DMD: variants seen among roughly 807,000 people sequenced by gnomAD.
DMD encodes dystrophin.
DMD carries 63 observed loss-of-function variants against 330.1 expected under a neutral mutation model. The observed-to-expected ratio is 0.19, with a 90% CI of 0.16 to 0.24. DMD has a LOEUF of 0.24. DMD is among the 10% of genes least tolerant of loss of function. The pLI is 1.00. For missense variants in DMD, 3,344 were observed against 2,684.1 expected (o/e 1.25, Z -5.43); for synonymous variants, 1,223 against 959.8 (o/e 1.27, Z -5.07).
chrX:32,290,105 T>A (rs142723398), intron 42 of DMD, among the ~76,000 whole-genome samples: 420 of 112,032 alleles, frequency 3.7e-3, no homozygotes, highest in African/African-American at 0.013. Flanking sequence ...TTGCATTACT[T>A]GAGTATAACA....
chrX:33,029,994 C>T (rs1231006986), intron 1 of DMD, among the ~76,000 whole-genome samples: 1 of 111,463 alleles, frequency 9.0e-6, no homozygotes, highest in African/African-American at 3.3e-5. Context: ...AGTTCCAACT[C>T]CAGTTTCACA....
At chrX:31,190,750 G>A (rs2042263444) in intron 67 of DMD, among the ~76,000 whole-genome samples, 1 of 109,595 alleles carries the variant, frequency 9.1e-6, no homozygotes, top group Non-Finnish European at 1.9e-5. Context: ...GTAGCACCAA[G>A]GTTGAGAAAC....
intron 20 of DMD, among the ~76,000 whole-genome samples, chrX:32,486,462 T>C (rs2042478277): frequency 9.0e-6 from 1 of 111,306 alleles, no homozygotes; most frequent in Admixed American, 9.6e-5. Flanking sequence ...TGTATTTCTT[T>C]TGGACAATGA....
At chrX:31,559,770 T>G (rs2075092467) in intron 55 of DMD, among the ~76,000 whole-genome samples, 1 of 108,572 alleles carries the variant, frequency 9.2e-6, no homozygotes, top group Non-Finnish European at 1.9e-5. Context: ...TGTTTGAGGG[T>G]CAACTGTATA....
intron 50 of DMD, among the ~76,000 whole-genome samples, chrX:31,797,248 C>T (rs754983517): frequency 1.4e-3 from 151 of 111,531 alleles, no homozygotes; most frequent in African/African-American, 4.9e-3. Context: ...GATATTAACA[C>T]TGAAGAGGGC....
chrX:32,166,084 G>A (rs764190597), intron 44 of DMD, among the ~76,000 whole-genome samples: 3 of 110,964 alleles, frequency 2.7e-5, no homozygotes, highest in African/African-American at 6.6e-5. Flanking sequence ...GTATGAAAAC[G>A]GGCTAATACA....
chrX:32,719,702 T>C (rs1169301865), intron 7 of DMD, among the ~76,000 whole-genome samples: 1 of 111,627 alleles, frequency 9.0e-6, no homozygotes, highest in Non-Finnish European at 1.9e-5. Context: ...TAAGTTATTT[T>C]CACTGCTTGG....
At chrX:33,079,683 T>C (rs1473626154) in intron 1 of DMD, among the ~76,000 whole-genome samples, 2 of 111,835 alleles carry the variant, frequency 1.8e-5, no homozygotes, top group African/African-American at 6.5e-5. Context: ...AGAGACATAA[T>C]TTATAATTTG....
intron 44 of DMD, among the ~76,000 whole-genome samples, chrX:32,103,500 G>A (rs1044582124): frequency 9.0e-6 from 1 of 111,502 alleles, no homozygotes; most frequent in Non-Finnish European, 1.9e-5. Context: ...TCAATTATAA[G>A]CCGAAGCTCC....
rs752857522 is a variant in DMD, at chrX:32,002,905, T to C, written c.6439-34391A>G. On this transcript the variant is annotated intron_variant, in intron 44 of 78. Coordinates refer to ENST00000357033, the MANE Select transcript of DMD (RefSeq NM_004006.3). ...CCCAAAGCATTTTTTTGTTCTCCTC[T>C]TTCTCAAGCCTTTCTGGTCCTATGG... is the stretch of plus-strand genomic sequence containing the variant. Among the ~76,000 whole-genome samples the C allele has an allele frequency of 3.0e-4, 34 of 111,701 alleles. 1 individual carries two copies. The highest frequency in any genetic ancestry group is 3.6e-4 in the Non-Finnish European group (19 of 52,991).
intron 2 of DMD, among the ~76,000 whole-genome samples, chrX:32,945,068 A>AT (rs771071485): frequency 7.8e-4 from 87 of 111,163 alleles, no homozygotes; most frequent in Non-Finnish European, 1.4e-3. Flanking sequence ...TTTAAATTTT[A>AT]TGTGTTTCTA....
intron 76 of DMD, among the ~76,000 whole-genome samples, chrX:31,135,589 T>C (rs1185228521): frequency 8.9e-6 from 1 of 112,156 alleles, no homozygotes; most frequent in Non-Finnish European, 1.9e-5. Context: ...TCACTGGGAA[T>C]GGAAATCTCC....
In DMD at chrX:33,009,448, A is replaced by ATGTATGTGTATACACATATGTG. The variant is rs1402296746; in HGVS notation, c.93+10669_93+10690dup. On this transcript the variant is annotated intron_variant, in intron 2 of 78. Coordinates refer to ENST00000357033, the MANE Select transcript of DMD (RefSeq NM_004006.3). ...TATATGTATGTGTATACACATATGT[A>ATGTATGTGTATACACATATGTG]TGTATGTGTATACACATATGTGTGT... Among the ~76,000 whole-genome samples, 77 of 30,602 alleles carry ATGTATGTGTATACACATATGTG rather than the reference A, an allele frequency of 2.5e-3. 21 individuals carry two copies. Among genetic ancestry groups the ATGTATGTGTATACACATATGTG allele is most frequent in the South Asian group, 5.6e-3 (4 of 715 alleles). 26.6% of individuals were successfully genotyped at this position (30,602 alleles called of 115,157 possible).
chrX:31,987,766 G>A (rs757062793), intron 44 of DMD, among the ~76,000 whole-genome samples: 2 of 111,917 alleles, frequency 1.8e-5, no homozygotes, highest in East Asian at 5.7e-4. Context: ...CATCCATTAT[G>A]GAGGACGGTA....
chrX:31,229,719 T>G (rs1370017508), intron 63 of DMD, among the ~76,000 whole-genome samples: 1 of 111,884 alleles, frequency 8.9e-6, no homozygotes, highest in African/African-American at 3.3e-5. Flanking sequence ...ATTTTACTAA[T>G]TTTCCAAATT....
At chrX:31,126,011 C>T (rs760342879) in intron 78 of DMD, among the ~76,000 whole-genome samples, 6 of 111,532 alleles carry the variant, frequency 5.4e-5, no homozygotes, top group South Asian at 7.7e-4. Flanking sequence ...TGCTTACTCT[C>T]TCATTGACTC....
chrX:33,217,088 GA>G, intron 1 of DMD, among the ~76,000 whole-genome samples: 2 of 111,240 alleles, frequency 1.8e-5, no homozygotes, highest in Admixed American at 1.9e-4. Flanking sequence ...ATTGATTAGG[GA>G]AAAAATCATT....
intron 37 of DMD, among the ~76,000 whole-genome samples, chrX:32,353,462 A>C (rs12688694): frequency 4.6e-4 from 51 of 111,660 alleles, no homozygotes; most frequent in Non-Finnish European, 7.8e-4. Context: ...ATTGTCTAAA[A>C]CAGTTGAAAG....
At chrX:32,947,605 G>T (rs1001910722) in intron 2 of DMD, among the ~76,000 whole-genome samples, 2 of 111,882 alleles carry the variant, frequency 1.8e-5, no homozygotes, top group Non-Finnish European at 3.8e-5. Context: ...TAATAATTTA[G>T]CCATAAAGCT....
Sources: allele counts gnomAD v4.1 joint callset (sites outside exome capture counted in the v4.1 genomes callset), GRCh38; gene constraint gnomAD v4.1.1; transcripts MANE v1.5; gene names NCBI Gene and HGNC (gene_info 2026-07-23, HGNC 2026-07-21).